Variants in TMEM30A observed in about 807,000 individuals in gnomAD.
TMEM30A encodes the protein cell cycle control protein 50A.
A neutral mutation model predicts 38.2 loss-of-function variants in TMEM30A; 24 were observed. The ratio of observed to expected loss-of-function variants is 0.63; its 90% confidence interval spans 0.46 to 0.88. The LOEUF (loss-of-function observed/expected upper bound fraction) is 0.88. TMEM30A is among the 40% of genes least tolerant of loss of function. The probability of loss-of-function intolerance (pLI) is 0.00; values close to 1 mark genes in which losing one functional copy is unlikely to be tolerated. For synonymous variants in TMEM30A, 145 were observed against 161.6 expected (o/e 0.90, Z 0.78); for missense variants, 370 against 458.6 (o/e 0.81, Z 1.77).
At chr6:75,266,036 G>A (rs1011370757) in intron 2 of TMEM30A, among the ~76,000 whole-genome samples, 2 of 151,942 alleles carry the variant, frequency 1.3e-5, no homozygotes, top group Admixed American at 6.6e-5. Flanking sequence ...ATTTAATAGC[G>A]CCAACTTTGA....
At chr6:75,273,966 C>T (rs1292221173) in intron 1 of TMEM30A, among the ~76,000 whole-genome samples, 4 of 152,042 alleles carry the variant, frequency 2.6e-5, no homozygotes, top group Admixed American at 6.5e-5. Flanking sequence ...GATGAGAATA[C>T]AAAATGGAAA....
chr6:75,267,680 G>A lies in TMEM30A; in HGVS notation c.306C>T (p.Cys102=). The A allele has an allele frequency of 6.2e-7, 1 of 1,611,778 alleles. No homozygotes were observed. The highest frequency in any genetic ancestry group is 1.3e-5 in the African/African-American group (1 of 74,984). ...NKCLSPDVTP[C]FCTINFTLEK... Reference sequence around the variant, plus strand: ...CCAGTGTGAAGTTAATGGTACAAAAGCAAGGTGTCACATCCGGAGATAAAC... The same window carrying A: ...CCAGTGTGAAGTTAATGGTACAAAAACAAGGTGTCACATCCGGAGATAAAC... Residue 102 remains cysteine (C), a synonymous_variant, in exon 2 of 7, where the codon TGC becomes TGT. Transcript: ENST00000230461.
In TMEM30A at chr6:75,277,630, G is replaced by A. The variant is rs547974762; in HGVS notation, c.237+6772C>T. ...TTTTTTTTAAAAAAAGGCCAGGTGC[G>A]GTGGCTAACAATGCTTGTAATCCCA... On this transcript the variant is annotated intron_variant, in intron 1 of 6. Transcript: ENST00000230461. Among the ~76,000 whole-genome samples, 11 of 152,170 alleles carry A rather than the reference G, an allele frequency of 7.2e-5. No homozygotes were observed. The East Asian group carries it at 1.4e-3, about 19-fold the overall frequency.
chr6:75,262,128 C>T (rs886629290), intron 3 of TMEM30A, among the ~76,000 whole-genome samples: 1 of 152,136 alleles, frequency 6.6e-6, no homozygotes, highest in Non-Finnish European at 1.5e-5. Flanking sequence ...GGGAGGATCC[C>T]TTGAGTCCAG....
chr6:75,265,260 G>C lies in TMEM30A; in HGVS notation c.424C>G (p.Gln142Glu). The C allele has an allele frequency of 6.2e-7, 1 of 1,609,606 alleles. No homozygotes were observed. The highest frequency in any genetic ancestry group is 1.1e-5 in the South Asian group (1 of 90,748). ...AAAGCACTAGAATCTCCATTTAGTT[G>C]ACTATCATCTCGAGATTTCACGTAA... ...RRYVKSRDDSQLNGDSSALLN... is the reference protein window; with the variant it reads ...RRYVKSRDDSELNGDSSALLN... The change falls in exon 3 of 7, where the codon CAA becomes GAA. Residue 142 changes from glutamine (Q) to glutamate (E), a missense_variant. Coordinates refer to ENST00000230461, the MANE Select transcript of TMEM30A (RefSeq NM_018247.4).
At chr6:75,263,042 G>A (rs1433186556) in intron 3 of TMEM30A, among the ~76,000 whole-genome samples, 1 of 152,164 alleles carries the variant, frequency 6.6e-6, no homozygotes, top group Non-Finnish European at 1.5e-5. Flanking sequence ...GGCTATGTGA[G>A]TATTTAATGG....
chr6:75,284,124 C>G, intron 1 of TMEM30A: 1 of 484,562 alleles, frequency 2.1e-6, no homozygotes, highest in South Asian at 2.0e-5. Flanking sequence ...CGTTCTCCAC[C>G]TGACCTATCT....
chr6:75,275,444 T>C (rs930681716), intron 1 of TMEM30A, among the ~76,000 whole-genome samples: 3 of 152,148 alleles, frequency 2.0e-5, no homozygotes, highest in African/African-American at 2.4e-5. Context: ...AAGTCAAATA[T>C]TGAACTATTT....
chr6:75,255,450 C>T lies in TMEM30A; in HGVS notation c.*652G>A, dbSNP rs148873691. On this transcript the variant is annotated 3_prime_UTR_variant, in exon 7 of 7. Coordinates refer to ENST00000230461, the MANE Select transcript of TMEM30A (RefSeq NM_018247.4). The stretch of plus-strand genomic sequence containing the variant: ...ACGGAAAGAGGAATTTTTTAATTCT[C>T]CTAAGCAGGACCTACCCAACCACTG... 6.6e-6 allele frequency: 1 copy of T among 152,410 alleles called. No homozygotes were observed. The highest frequency in any genetic ancestry group is 2.4e-5 in the African/African-American group (1 of 41,534). The allele number at this position is 152,410 out of a possible 1,614,324, so 9.4% of individuals were successfully genotyped here.
chr6:75,263,176 A>C (rs1436999072), intron 3 of TMEM30A, among the ~76,000 whole-genome samples: 1 of 152,214 alleles, frequency 6.6e-6, no homozygotes, highest in Non-Finnish European at 1.5e-5. Context: ...AGAAGACAGA[A>C]GAGAGTTTTA....
chr6:75,259,274 G>C, intron 5 of TMEM30A, 73 bp downstream of exon 5: 1 of 1,477,918 alleles, frequency 6.8e-7, no homozygotes, highest in South Asian at 1.3e-5. Context: ...TTAAGATTCT[G>C]AAGATAGAAA....
At chr6:75,257,043 T>C (rs971569507) in intron 6 of TMEM30A, among the ~76,000 whole-genome samples, 1 of 152,178 alleles carries the variant, frequency 6.6e-6, no homozygotes, top group Non-Finnish European at 1.5e-5. Flanking sequence ...AGGCCCCATC[T>C]GTTTCTCTAG....
intron 2 of TMEM30A, 105 bp downstream of exon 2, chr6:75,267,536 T>A (rs2281421): frequency 1.4e-6 from 1 of 729,294 alleles, no homozygotes; most frequent in East Asian, 2.9e-5. Context: ...CAGTAAATTA[T>A]ACAGACTTCT....
intron 1 of TMEM30A, among the ~76,000 whole-genome samples, chr6:75,275,395 T>G (rs889751108): frequency 6.6e-6 from 1 of 152,204 alleles, no homozygotes; most frequent in African/African-American, 2.4e-5. Flanking sequence ...GCCTACTCAT[T>G]ATTCCCAACT....
chr6:75,270,416 G>T (rs1402918238), intron 1 of TMEM30A, among the ~76,000 whole-genome samples: 1 of 152,180 alleles, frequency 6.6e-6, no homozygotes, highest in African/African-American at 2.4e-5. Flanking sequence ...ATCTGGAGAA[G>T]GGGCCTTTGG....
intron 3 of TMEM30A, among the ~76,000 whole-genome samples, chr6:75,262,949 T>C (rs1002446531): frequency 2.0e-5 from 3 of 152,242 alleles, no homozygotes; most frequent in Non-Finnish European, 4.4e-5. Context: ...GCTCCCTGCC[T>C]TCATGAGCTT....
intron 1 of TMEM30A, among the ~76,000 whole-genome samples, chr6:75,277,567 T>C (rs1245016920): frequency 1.3e-5 from 2 of 152,188 alleles, no homozygotes; most frequent in African/African-American, 2.4e-5. Flanking sequence ...ACATTGCCAC[T>C]GCACTCTAGC....
At chr6:75,266,233 A>T (rs1456896084) in intron 2 of TMEM30A, among the ~76,000 whole-genome samples, 1 of 152,134 alleles carries the variant, frequency 6.6e-6, no homozygotes, top group Non-Finnish European at 1.5e-5. Context: ...TTATAAGTAG[A>T]CTTCATTTGA....
rs1554196002 is a variant in TMEM30A, at chr6:75,284,720, G to GCGCCGCTGCCGCCGC, written c.-97_-83dup. ...GCTGACCCTGACAGGAACCGCTCGAGCGCCGCTGCCGCCGCCGCCGCCGCA... is the reference window on the plus strand; with the variant it reads ...GCTGACCCTGACAGGAACCGCTCGAGCGCCGCTGCCGCCGCCGCCGCTGCCGCCGCCGCCGCCGCA... On this transcript the variant is annotated 5_prime_UTR_variant, in exon 1 of 7. Transcript: ENST00000230461. The GCGCCGCTGCCGCCGC allele has an allele frequency of 6.9e-7, 1 of 1,453,712 alleles. No homozygotes were observed. The highest frequency in any genetic ancestry group is 2.3e-5 in the East Asian group (1 of 42,874). The allele number at this position is 1,453,712 out of a possible 1,614,324, so 90.1% of individuals were successfully genotyped here. A position where few individuals can be genotyped will look rare whatever the true frequency, so the allele number is the denominator to read the frequency against.
Sources: gnomAD v4.1 joint callset for allele counts (sites outside exome capture counted in the v4.1 genomes callset) on GRCh38, gnomAD v4.1.1 for gene constraint, MANE v1.5 for transcripts, NCBI Gene and HGNC (gene_info 2026-07-23, HGNC 2026-07-21) for gene names.